Variants in TRIM24 observed in about 807,000 individuals in gnomAD.
The protein encoded by TRIM24 is tripartite motif containing 24.
A neutral mutation model predicts 123.9 loss-of-function variants in TRIM24; 29 were observed. The observed-to-expected ratio is 0.23, with a 90% CI of 0.17 to 0.32. The LOEUF (loss-of-function observed/expected upper bound fraction) is 0.32. Ranked by LOEUF, TRIM24 falls within the 10% of genes least tolerant of loss-of-function variation. The pLI is 1.00. For synonymous variants in TRIM24, 456 were observed against 461.1 expected, an observed-to-expected ratio of 0.99 and a Z score of 0.14; for missense variants, 932 against 1,295.3, an observed-to-expected ratio of 0.72 and a Z score of 4.31.
At chr7:138,476,741 A>C (rs868678399) in intron 1 of TRIM24, among the ~76,000 whole-genome samples, 61 of 152,312 alleles carry the variant, frequency 4.0e-4, no homozygotes, top group Middle Eastern at 3.4e-3. Context: ...GAATTTGGTA[A>C]TATCTAGTAA....
At chr7:138,549,315 CTG>C (rs754469349) in intron 7 of TRIM24, among the ~76,000 whole-genome samples, 1 of 152,192 alleles carries the variant, frequency 6.6e-6, no homozygotes, top group Non-Finnish European at 1.5e-5. Flanking sequence ...AGTCAAAAAA[CTG>C]AGCCCTGGGC....
At chr7:138,543,694 G>T (rs1414339897) in intron 7 of TRIM24, among the ~76,000 whole-genome samples, 1 of 152,156 alleles carries the variant, frequency 6.6e-6, no homozygotes, top group African/African-American at 2.4e-5. Context: ...TATTGTTTCA[G>T]TCAAACAGAT....
intron 1 of TRIM24, among the ~76,000 whole-genome samples, chr7:138,463,989 C>CCTTTTTTTTTTTTTTTT (rs1554429651): frequency 2.0e-5 from 1 of 50,766 alleles, no homozygotes; most frequent in African/African-American, 8.2e-5. Context: ...AAAATTTAGA[C>CCTTTTTTTTTTTTTTTT]TTTTTTTTTT....
At chr7:138,525,036 C>T (rs1796579761) in intron 4 of TRIM24, among the ~76,000 whole-genome samples, 1 of 152,040 alleles carries the variant, frequency 6.6e-6, no homozygotes, top group Non-Finnish European at 1.5e-5. Context: ...CTCAAACTTT[C>T]AAAATATTTA....
At chr7:138,476,767 C>T (rs1425924143) in intron 1 of TRIM24, among the ~76,000 whole-genome samples, 4 of 152,002 alleles carry the variant, frequency 2.6e-5, no homozygotes, top group African/African-American at 9.7e-5. Context: ...AAATGCATTT[C>T]CTCATTGACC....
intron 6 of TRIM24, among the ~76,000 whole-genome samples, chr7:138,538,048 T>C (rs929174915): frequency 3.3e-5 from 5 of 152,242 alleles, no homozygotes; most frequent in African/African-American, 4.8e-5. Flanking sequence ...TAGAGAAATC[T>C]ATATTCTTTT....
At chr7:138,538,601 A>T (rs1796940516) in intron 6 of TRIM24, 56 bp from the exon 7 acceptor site, 11 of 1,572,362 alleles carry the variant, frequency 7.0e-6, no homozygotes, top group Middle Eastern at 1.7e-4. Flanking sequence ...GGAAATGACC[A>T]TCAAAGTCTA....
intron 2 of TRIM24, among the ~76,000 whole-genome samples, chr7:138,513,110 G>T (rs989566635): frequency 1.3e-5 from 2 of 152,116 alleles, no homozygotes; most frequent in Non-Finnish European, 2.9e-5. Flanking sequence ...GTGTAACAAA[G>T]GTGACCGTTG....
intron 1 of TRIM24, among the ~76,000 whole-genome samples, chr7:138,481,159 A>G (rs577856039): frequency 2.0e-5 from 3 of 151,572 alleles, no homozygotes; most frequent in East Asian, 3.9e-4. Context: ...CGCCCGGCTA[A>G]TTTTGTATTT....
intron 1 of TRIM24, among the ~76,000 whole-genome samples, chr7:138,489,682 T>C (rs1584695467): frequency 6.6e-6 from 1 of 152,224 alleles, no homozygotes; most frequent in South Asian, 2.1e-4. Context: ...TGGCCCTCAC[T>C]CTCTTGGCTT....
chr7:138,490,552 G>T, intron 1 of TRIM24: 1 of 209,726 alleles, frequency 4.8e-6, no homozygotes, highest in South Asian at 7.2e-5. Flanking sequence ...TTCACAAATA[G>T]AACTTTTTAT....
intron 15 of TRIM24, 77 bp from the exon 16 acceptor site, chr7:138,580,485 G>A (rs565617432): frequency 2.1e-5 from 32 of 1,520,760 alleles, no homozygotes; most frequent in East Asian, 4.5e-5. Context: ...TAGATGTCAT[G>A]GAGGAGGTGG....
intron 6 of TRIM24, among the ~76,000 whole-genome samples, chr7:138,535,271 G>T (rs1461105571): frequency 6.6e-6 from 1 of 152,216 alleles, no homozygotes; most frequent in East Asian, 1.9e-4. Flanking sequence ...ATGTTAGCTG[G>T]TTATTTTGCC....
chr7:138,540,377 C>T (rs977031220), intron 7 of TRIM24, among the ~76,000 whole-genome samples: 5 of 152,180 alleles, frequency 3.3e-5, no homozygotes, highest in African/African-American at 7.2e-5. Flanking sequence ...CCAGTAGCTG[C>T]GGTATCACCT....
intron 1 of TRIM24, chr7:138,490,789 C>A: frequency 4.1e-6 from 2 of 492,176 alleles, no homozygotes; most frequent in Non-Finnish European, 8.0e-6. Flanking sequence ...ATGTCTTTTC[C>A]AGTGCTATCC....
chr7:138,504,447 C>CT (rs750956455), intron 2 of TRIM24, 39 bp downstream of exon 2: 8,481 of 152,896 alleles, frequency 0.055, 434 homozygotes, highest in African/African-American at 0.095. Context: ...CCTGCCAGCT[C>CT]TTTTTTTTTT....
chr7:138,533,052 C>T (rs1043009044), intron 6 of TRIM24, among the ~76,000 whole-genome samples: 2 of 152,104 alleles, frequency 1.3e-5, no homozygotes, highest in Non-Finnish European at 2.9e-5. Flanking sequence ...GTGATTTTTG[C>T]ACATTGATTT....
At chr7:138,565,209 CA>C (rs1273883379) in intron 9 of TRIM24, among the ~76,000 whole-genome samples, 1 of 152,146 alleles carries the variant, frequency 6.6e-6, no homozygotes, top group African/African-American at 2.4e-5. Context: ...TCCTCTTTCT[CA>C]ACTGACTCTG....
At chr7:138,474,889 G>T (rs1795362563) in intron 1 of TRIM24, among the ~76,000 whole-genome samples, 1 of 152,196 alleles carries the variant, frequency 6.6e-6, no homozygotes, top group Non-Finnish European at 1.5e-5. Flanking sequence ...AAGATGTTCT[G>T]CAGGAAATCC....
Sources: gnomAD v4.1 joint callset for allele counts (sites outside exome capture counted in the v4.1 genomes callset) on GRCh38, gnomAD v4.1.1 for gene constraint, MANE v1.5 for transcripts, NCBI Gene and HGNC (gene_info 2026-07-23, HGNC 2026-07-21) for gene names.